LHFPL6: variants seen among roughly 807,000 people sequenced by gnomAD.
The protein encoded by LHFPL6 is LHFPL tetraspan subfamily member 6, also known as LHFPL tetraspan subfamily member 6 protein.
Under a neutral mutation model 20.6 loss-of-function variants are expected in LHFPL6, and 9 were observed. The observed-to-expected ratio is 0.44, with a 90% CI of 0.26 to 0.76. The LOEUF (loss-of-function observed/expected upper bound fraction) is 0.76, where lower values mean the gene tolerates loss of function less well. Among genes scored for constraint, LHFPL6 ranks in the 30% least tolerant of loss-of-function variants. The pLI is 0.20. For synonymous variants in LHFPL6, 105 were observed against 98.7 expected (o/e 1.06, Z -0.38); for missense variants, 218 against 253.5 (o/e 0.86, Z 0.95).
intron 2 of LHFPL6, among the ~76,000 whole-genome samples, chr13:39,471,171 T>C (rs760361179): frequency 2.0e-5 from 3 of 152,160 alleles, no homozygotes; most frequent in Non-Finnish European, 2.9e-5. Flanking sequence ...GGAAGGTTTG[T>C]TGGAGGAGAA....
intron 2 of LHFPL6, among the ~76,000 whole-genome samples, chr13:39,495,848 C>G (rs1470686649): frequency 7.0e-6 from 1 of 142,906 alleles, no homozygotes; most frequent in African/African-American, 2.6e-5. Context: ...GGGTTGGGAC[C>G]AGCAGTGTTG....
intron 2 of LHFPL6, among the ~76,000 whole-genome samples, chr13:39,545,245 C>CA (rs35606384): frequency 0.38 from 25,762 of 67,876 alleles, 5,224 homozygotes; most frequent in Non-Finnish European, 0.45. Flanking sequence ...GACTCCGTCT[C>CA]AAAAAAAAAA....
At chr13:39,530,475 G>A (rs544371313) in intron 2 of LHFPL6, among the ~76,000 whole-genome samples, 37 of 151,986 alleles carry the variant, frequency 2.4e-4, no homozygotes, top group African/African-American at 8.7e-4. Context: ...TTCTGTTACC[G>A]GAGAGTTTCC....
intron 2 of LHFPL6, among the ~76,000 whole-genome samples, chr13:39,530,609 T>C (rs1052059463): frequency 2.0e-5 from 3 of 152,128 alleles, no homozygotes; most frequent in African/African-American, 7.2e-5. Context: ...AAAACTTGGA[T>C]TGGATAAAAT....
chr13:39,391,144 G>A (rs1341221849), intron 2 of LHFPL6, among the ~76,000 whole-genome samples: 1 of 152,140 alleles, frequency 6.6e-6, no homozygotes, highest in Non-Finnish European at 1.5e-5. Flanking sequence ...TACTCTGATG[G>A]CAGATACTAC....
chr13:39,546,127 C>T (rs746927862), intron 2 of LHFPL6, among the ~76,000 whole-genome samples: 12 of 151,908 alleles, frequency 7.9e-5, no homozygotes, highest in Non-Finnish European at 1.6e-4. Context: ...AATGCCTAGC[C>T]CATGGTAAGC....
intron 2 of LHFPL6, among the ~76,000 whole-genome samples, chr13:39,458,792 A>G (rs1177559404): frequency 1.3e-5 from 2 of 151,924 alleles, no homozygotes; most frequent in Non-Finnish European, 2.9e-5. Flanking sequence ...AAAAAAAAAG[A>G]GGGTTAGGAA....
rs60399721 is a variant in LHFPL6 at position 39,393,663 on chromosome 13, C to T, written c.386-15137G>A. Among the ~76,000 whole-genome samples the T allele has an allele frequency of 6.7e-3, 1,026 of 152,274 alleles. 15 individuals carry two copies. Among genetic ancestry groups the T allele is most frequent in the African/African-American group, 0.024 (982 of 41,546 alleles). On this transcript the variant is annotated intron_variant, in intron 2 of 3. Transcript: ENST00000379589. ...TCTGGGCCAAGGAAGTTGGCCTTTACGTAGTAGCCAAAAGGAACCTGTAAT... is the reference window on the plus strand; with the variant it reads ...TCTGGGCCAAGGAAGTTGGCCTTTATGTAGTAGCCAAAAGGAACCTGTAAT...
At chr13:39,480,082 C>T (rs1868451734) in intron 2 of LHFPL6, among the ~76,000 whole-genome samples, 2 of 152,094 alleles carry the variant, frequency 1.3e-5, no homozygotes, top group African/African-American at 4.8e-5. Context: ...AACATACCAC[C>T]CATAACACCA....
intron 2 of LHFPL6, among the ~76,000 whole-genome samples, chr13:39,581,286 A>G (rs1872273769): frequency 6.6e-6 from 1 of 152,200 alleles, no homozygotes; most frequent in Non-Finnish European, 1.5e-5. Context: ...CACACAAAGT[A>G]CAATTGTCTG....
chr13:39,563,997 T>C (rs903366457), intron 2 of LHFPL6, among the ~76,000 whole-genome samples: 1 of 152,122 alleles, frequency 6.6e-6, no homozygotes, highest in Non-Finnish European at 1.5e-5. Context: ...AGTCTCCCCG[T>C]ATCACGTTGA....
At chr13:39,524,895 G>GT (rs1870239597) in intron 2 of LHFPL6, among the ~76,000 whole-genome samples, 2 of 152,204 alleles carry the variant, frequency 1.3e-5, no homozygotes, top group South Asian at 4.1e-4. Flanking sequence ...CAAGTCTGGG[G>GT]TATAGGGATG....
intron 2 of LHFPL6, among the ~76,000 whole-genome samples, chr13:39,541,638 A>T (rs910467060): frequency 2.6e-5 from 4 of 152,122 alleles, no homozygotes; most frequent in Admixed American, 2.6e-4. Context: ...GACCTTAAAC[A>T]CACATCTGTT....
chr13:39,444,982 G>A (rs1314343581), intron 2 of LHFPL6, among the ~76,000 whole-genome samples: 1 of 152,240 alleles, frequency 6.6e-6, no homozygotes, highest in Non-Finnish European at 1.5e-5. Context: ...CACAGGGGCA[G>A]GGCTGCCCTT....
At chr13:39,555,722 T>C (rs1452150141) in intron 2 of LHFPL6, among the ~76,000 whole-genome samples, 1 of 152,244 alleles carries the variant, frequency 6.6e-6, no homozygotes, top group African/African-American at 2.4e-5. Context: ...AACATAATTT[T>C]GAAAGATTTT....
intron 2 of LHFPL6, among the ~76,000 whole-genome samples, chr13:39,458,117 T>C (rs1872611764): frequency 6.6e-6 from 1 of 152,118 alleles, no homozygotes; most frequent in Non-Finnish European, 1.5e-5. Context: ...TTTCATCCTG[T>C]AACAGATTTC....
At position 39,399,054 on chromosome 13, in the gene LHFPL6, G is replaced by A. The variant is rs368988912; in HGVS notation, c.386-20528C>T. Among the ~76,000 whole-genome samples the A allele has an allele frequency of 8.5e-5, 13 of 152,282 alleles. No individual in the cohort carries two copies. In the East Asian group the frequency reaches 2.3e-3, roughly 27 times the overall value. ...TGGCCAACCTACCCTACAACTCCAAGTCTTTCCTAGTGCCTTCCTAGTGCC... is the reference window on the plus strand; with the variant it reads ...TGGCCAACCTACCCTACAACTCCAAATCTTTCCTAGTGCCTTCCTAGTGCC... On this transcript the variant is annotated intron_variant, in intron 2 of 3. Transcript: ENST00000379589.
intron 2 of LHFPL6, among the ~76,000 whole-genome samples, chr13:39,557,122 A>G (rs2138516405): frequency 6.6e-6 from 1 of 152,330 alleles, no homozygotes; most frequent in Non-Finnish European, 1.5e-5. Context: ...ATCCAAGACA[A>G]CAAGAAAAAG....
chr13:39,566,530 T>C (rs1446661328), intron 2 of LHFPL6, among the ~76,000 whole-genome samples: 1 of 151,656 alleles, frequency 6.6e-6, no homozygotes, highest in Non-Finnish European at 1.5e-5. Context: ...CACTAGAGCC[T>C]AGGAGTTTGA....
Sources: gnomAD v4.1 joint callset for allele counts (sites outside exome capture counted in the v4.1 genomes callset) on GRCh38, gnomAD v4.1.1 for gene constraint, MANE v1.5 for transcripts, NCBI Gene and HGNC (gene_info 2026-07-23, HGNC 2026-07-21) for gene names.